DOP1B: variants seen among roughly 807,000 people sequenced by gnomAD.
The protein encoded by DOP1B is protein DOP1B.
Under a neutral mutation model 233.5 loss-of-function variants are expected in DOP1B, and 174 were observed. The ratio of observed to expected loss-of-function variants is 0.75; its 90% confidence interval spans 0.66 to 0.85. The LOEUF is 0.85. Among genes scored for constraint, DOP1B ranks in the 40% least tolerant of loss-of-function variants. The probability of loss-of-function intolerance (pLI) is 0.00; values close to 1 mark genes in which losing one functional copy is unlikely to be tolerated. For missense variants in DOP1B, 2,652 were observed against 2,846.6 expected, an observed-to-expected ratio of 0.93 and a Z score of 1.56; for synonymous variants, 1,190 against 1,185.6, an observed-to-expected ratio of 1.00 and a Z score of -0.08.
chr21:36,167,142 C>T (rs539167129), intron 2 of DOP1B, among the ~76,000 whole-genome samples: 1 of 152,304 alleles, frequency 6.6e-6, no homozygotes, highest in South Asian at 2.1e-4. Context: ...GTACTCAGCC[C>T]TCCTGGAGTC....
chr21:36,218,921 C>G (rs1483556945), intron 9 of DOP1B, among the ~76,000 whole-genome samples: 1 of 152,128 alleles, frequency 6.6e-6, no homozygotes, highest in African/African-American at 2.4e-5. Context: ...AAGAAGTTGC[C>G]CTGCTCTCTG....
intron 7 of DOP1B, among the ~76,000 whole-genome samples, chr21:36,213,559 G>A (rs955086998): frequency 8.6e-5 from 13 of 151,644 alleles, no homozygotes; most frequent in Non-Finnish European, 1.6e-4. Flanking sequence ...GGGAGGCCGA[G>A]GCAGGTGGAT....
chr21:36,237,343 C>T lies in DOP1B; in HGVS notation c.2704C>T (p.Leu902=). The T allele has an allele frequency of 6.2e-7, 1 of 1,614,206 alleles. No homozygotes were observed. Among genetic ancestry groups the T allele is most frequent in the Non-Finnish European group, 8.5e-7 (1 of 1,180,044 alleles). Residue 902 remains leucine, a synonymous_variant, in exon 16 of 37, where the codon CTG becomes TTG. Transcript: ENST00000691173. ...HVTCVELFYR[L]HCLAPTANIC... ...CACCTGCGTAGAATTGTTCTACCGG[C>T]TGCACTGCCTGGCCCCTACGGCCAA...
chr21:36,260,276 AAAG>A (rs2067155257), intron 23 of DOP1B, among the ~76,000 whole-genome samples: 1 of 95,794 alleles, frequency 1.0e-5, no homozygotes, highest in East Asian at 4.1e-4. Context: ...GGAAAGAAAG[AAAG>A]AAAGAAAGAA....
At position 36,290,158 on chromosome 21, in the gene DOP1B, C is replaced by T. The variant is rs116348449; in HGVS notation, c.6515+952C>T. On this transcript the variant is annotated intron_variant, in intron 35 of 36. Coordinates refer to ENST00000691173, the MANE Select transcript of DOP1B (RefSeq NM_001320714.2). ...TTGTATGTATGTAGGATGGGATGTA[C>T]GGGAACTACTTTCTACTCCATTTTG... 4.4e-3 allele frequency among the ~76,000 whole-genome samples: 665 copies of T among 152,238 alleles called. 10 individuals are homozygous for T. The highest frequency in any genetic ancestry group is 0.015 in the African/African-American group (629 of 41,538).
chr21:36,249,292 G>A (rs2067006350), intron 21 of DOP1B, among the ~76,000 whole-genome samples: 1 of 152,032 alleles, frequency 6.6e-6, no homozygotes, highest in Admixed American at 6.6e-5. Context: ...GCTGGGTATG[G>A]TGGCAGGCAC....
At chr21:36,284,997 A>T (rs2067466440) in intron 32 of DOP1B, among the ~76,000 whole-genome samples, 1 of 151,926 alleles carries the variant, frequency 6.6e-6, no homozygotes, top group South Asian at 2.1e-4. Context: ...TATGCAATAA[A>T]GGCAGCAGAA....
In DOP1B at chr21:36,230,520, C is replaced by T. The variant is rs144418659; in HGVS notation, c.1736C>T (p.Ala579Val). Reference protein sequence around the residue: ...TKAVIPGDEDASFPPLKSEDS... With the variant: ...TKAVIPGDEDVSFPPLKSEDS... ...GCAGTGATTCCCGGTGACGAAGATG[C>T]TTCGTTTCCCCCTCTGAAGTCTGAG... Residue 579 changes from alanine (A) to valine (V), a missense_variant, in exon 14 of 37, where the codon GCT becomes GTT. Coordinates refer to ENST00000691173, the MANE Select transcript of DOP1B (RefSeq NM_001320714.2). 6.2e-7 allele frequency: 1 copy of T among 1,613,758 alleles called. No individual in the cohort carries two copies. Among genetic ancestry groups the T allele is most frequent in the African/African-American group, 1.3e-5 (1 of 74,924 alleles).
At chr21:36,277,735 A>C (rs934448043) in intron 28 of DOP1B, among the ~76,000 whole-genome samples, 5 of 149,594 alleles carry the variant, frequency 3.3e-5, no homozygotes, top group African/African-American at 1.2e-4. Flanking sequence ...GCTCACTGCA[A>C]CCTCTGCCTC....
chr21:36,176,328 C>T (rs941934719), intron 2 of DOP1B, among the ~76,000 whole-genome samples: 1 of 152,090 alleles, frequency 6.6e-6, no homozygotes, highest in East Asian at 1.9e-4. Flanking sequence ...TGACTCTGCA[C>T]TCCTTATCCC....
rs1363860464 is a variant in DOP1B, at chr21:36,227,827, G to A, written c.1615G>A (p.Val539Ile). The A allele has an allele frequency of 6.2e-6, 10 of 1,611,704 alleles. 1 individual carries two copies. The highest frequency in any genetic ancestry group is 7.6e-6 in the Non-Finnish European group (9 of 1,178,322). Residue 539 changes from valine (V) to isoleucine (I), a missense_variant, in exon 13 of 37, where the codon GTC (valine) becomes ATC (isoleucine). Coordinates refer to ENST00000691173, the MANE Select transcript of DOP1B (RefSeq NM_001320714.2). ...LKTCFKVLSK[V>I]QMPPSYLDTE... is the part of the protein sequence containing the mutation. ...GACGTGTTTCAAGGTGCTCAGCAAA[G>A]TCCAGATGCCTCCTTCCTACCTCGA...
intron 21 of DOP1B, among the ~76,000 whole-genome samples, chr21:36,250,304 T>C (rs1026328013): frequency 6.6e-6 from 1 of 152,240 alleles, no homozygotes; most frequent in Admixed American, 6.5e-5. Flanking sequence ...ACAGACATTT[T>C]GTGCCTGCTG....
intron 14 of DOP1B, among the ~76,000 whole-genome samples, chr21:36,232,273 G>A (rs1359603100): frequency 1.3e-5 from 2 of 152,128 alleles, no homozygotes; most frequent in Admixed American, 6.5e-5. Flanking sequence ...ATGAGCCACC[G>A]TGCCTGGCCA....
intron 10 of DOP1B, among the ~76,000 whole-genome samples, chr21:36,220,326 T>A (rs2066610580): frequency 6.6e-6 from 1 of 152,198 alleles, no homozygotes; most frequent in Non-Finnish European, 1.5e-5. Flanking sequence ...TACTGATATT[T>A]GAAAGATCAA....
intron 4 of DOP1B, among the ~76,000 whole-genome samples, chr21:36,203,731 T>C (rs1187461028): frequency 1.3e-5 from 2 of 151,994 alleles, no homozygotes; most frequent in African/African-American, 2.4e-5. Context: ...CTCACAGGTT[T>C]CATGTAGGTG....
chr21:36,215,202 C>T (rs1460642879), intron 9 of DOP1B, among the ~76,000 whole-genome samples: 2 of 152,026 alleles, frequency 1.3e-5, no homozygotes, highest in African/African-American at 4.8e-5. Flanking sequence ...AAGTAGGGGA[C>T]CCCGTCCATC....
chr21:36,285,952 G>A (rs1300447492), intron 32 of DOP1B, among the ~76,000 whole-genome samples: 2 of 151,932 alleles, frequency 1.3e-5, no homozygotes, highest in Admixed American at 1.3e-4. Context: ...AGGTTGCAAT[G>A]AGCCGAGATC....
At chr21:36,165,021 G>T in intron 2 of DOP1B, 150 bp downstream of exon 2, 1 of 694,186 alleles carries the variant, frequency 1.4e-6, no homozygotes, top group Non-Finnish European at 1.9e-6. Flanking sequence ...ATTATTTCAA[G>T]GAAATACCAT....
chr21:36,228,980 A>G (rs900304446), intron 13 of DOP1B, among the ~76,000 whole-genome samples: 2 of 151,806 alleles, frequency 1.3e-5, no homozygotes, highest in African/African-American at 4.9e-5. Context: ...ACAAAAAAAA[A>G]TTTTTAAGTT....
Sources: gnomAD v4.1 joint callset for allele counts (sites outside exome capture counted in the v4.1 genomes callset) on GRCh38, gnomAD v4.1.1 for gene constraint, MANE v1.5 for transcripts, NCBI Gene and HGNC (gene_info 2026-07-23, HGNC 2026-07-21) for gene names.